The following MBOAT2 variants were observed in gnomAD, a reference collection of about 807,000 sequenced individuals.
MBOAT2 encodes the protein membrane bound glycerophospholipid O-acyltransferase 2.
A neutral mutation model predicts 63.4 loss-of-function variants in MBOAT2; 28 were observed. The ratio of observed to expected loss-of-function variants is 0.44; its 90% CI spans 0.33 to 0.61. MBOAT2 has a LOEUF of 0.61. Ranked by LOEUF, MBOAT2 falls within the 20% of genes least tolerant of loss-of-function variation. The probability of loss-of-function intolerance (pLI) is 0.03; values close to 1 mark genes in which losing one functional copy is unlikely to be tolerated. For missense variants in MBOAT2, 470 were observed against 605.8 expected, an observed-to-expected ratio of 0.78 and a Z score of 2.35; for synonymous variants, 211 against 215.6, an observed-to-expected ratio of 0.98 and a Z score of 0.19.
chr2:8,881,956 T>A (rs1663169199), intron 6 of MBOAT2, among the ~76,000 whole-genome samples: 1 of 152,256 alleles, frequency 6.6e-6, no homozygotes, highest in African/African-American at 2.4e-5. Context: ...AGATAGACAC[T>A]GTGAAATTAA....
At chr2:8,970,578 CCAG>C (rs1223829546) in intron 1 of MBOAT2, among the ~76,000 whole-genome samples, 1 of 152,124 alleles carries the variant, frequency 6.6e-6, no homozygotes, top group East Asian at 1.9e-4. Flanking sequence ...ATCAATGAAT[CCAG>C]CAGCTGGTTT....
intron 3 of MBOAT2, among the ~76,000 whole-genome samples, chr2:8,937,312 G>A (rs909236401): frequency 3.3e-5 from 5 of 152,176 alleles, no homozygotes; most frequent in Admixed American, 2.0e-4. Context: ...GCTGTGATGC[G>A]GAAGTCATGT....
intron 3 of MBOAT2, among the ~76,000 whole-genome samples, chr2:8,941,143 C>A (rs1668022699): frequency 6.6e-6 from 1 of 151,802 alleles, no homozygotes; most frequent in Non-Finnish European, 1.5e-5. Context: ...TGGGTATAAG[C>A]TGAATAGAAG....
chr2:8,944,103 T>C (rs2103240353), intron 2 of MBOAT2, among the ~76,000 whole-genome samples: 1 of 152,314 alleles, frequency 6.6e-6, no homozygotes, highest in East Asian at 1.9e-4. Context: ...GACCTCGTGA[T>C]CTGCCCACCT....
chr2:8,862,554 A>C lies in MBOAT2; in HGVS notation c.1185+36T>G. The C allele has an allele frequency of 6.3e-7, 1 of 1,591,836 alleles. No homozygotes were observed. Among genetic ancestry groups the C allele is most frequent in the African/African-American group, 1.4e-5 (1 of 74,064 alleles). ...TCAGCCTTTTTAACAGTTCAAGTGG[A>C]CCATTGAATTGTAAAATAAAATTCT... is the stretch of plus-strand genomic sequence containing the variant. On this transcript the variant is annotated intron_variant, in intron 11 of 12. Coordinates refer to ENST00000305997, the MANE Select transcript of MBOAT2 (RefSeq NM_138799.4). This position sits in a 1 kb window ranked among gnomAD's most constrained non-coding sequence, Gnocchi z 4.3.
intron 3 of MBOAT2, among the ~76,000 whole-genome samples, chr2:8,935,674 TG>T (rs1353141464): frequency 1.7e-4 from 26 of 152,380 alleles, no homozygotes; most frequent in African/African-American, 6.3e-4. Flanking sequence ...ATATGAAGCA[TG>T]CAGGTACCCT....
At chr2:8,944,631 A>T (rs1668280650) in intron 2 of MBOAT2, among the ~76,000 whole-genome samples, 1 of 149,288 alleles carries the variant, frequency 6.7e-6, no homozygotes, top group Admixed American at 6.6e-5. Context: ...AGAATAGGTC[A>T]GTCTATCTGT....
chr2:8,938,212 C>T (rs927707514), intron 3 of MBOAT2, among the ~76,000 whole-genome samples: 1 of 152,174 alleles, frequency 6.6e-6, no homozygotes, highest in African/African-American at 2.4e-5. Context: ...TCCCTTAGTA[C>T]ATGAAACACA....
intron 6 of MBOAT2, among the ~76,000 whole-genome samples, chr2:8,877,528 C>A (rs1378276374): frequency 6.6e-6 from 1 of 152,234 alleles, no homozygotes; most frequent in African/African-American, 2.4e-5. Context: ...GCTCTTCTAA[C>A]AAACACGTGC....
At chr2:8,908,870 C>T (rs552216874) in intron 3 of MBOAT2, among the ~76,000 whole-genome samples, 154 bp from the exon 4 acceptor site, 1 of 152,204 alleles carries the variant, frequency 6.6e-6, no homozygotes, top group South Asian at 2.1e-4. Flanking sequence ...ATTATGAAAA[C>T]TCTTTTCTAG....
chr2:8,952,509 T>C (rs566181392), intron 2 of MBOAT2, among the ~76,000 whole-genome samples: 2 of 152,330 alleles, frequency 1.3e-5, no homozygotes, highest in South Asian at 4.1e-4. Context: ...TCTAATGCTG[T>C]CAGTGGGAGT....
chr2:8,898,709 C>T (rs1290218482), intron 4 of MBOAT2, among the ~76,000 whole-genome samples: 1 of 152,232 alleles, frequency 6.6e-6, no homozygotes, highest in East Asian at 1.9e-4. Context: ...GGGGGCAAGA[C>T]CGTCCACGTA....
At chr2:8,988,177 A>G (rs1482608385) in intron 1 of MBOAT2, among the ~76,000 whole-genome samples, 1 of 152,116 alleles carries the variant, frequency 6.6e-6, no homozygotes, top group Non-Finnish European at 1.5e-5. Flanking sequence ...CCAAATCCCC[A>G]CTATTTTGCT....
intron 3 of MBOAT2, among the ~76,000 whole-genome samples, chr2:8,921,148 T>C (rs569122063): frequency 6.6e-6 from 1 of 152,348 alleles, no homozygotes; most frequent in East Asian, 1.9e-4. Context: ...TCAGGCCTTT[T>C]TTGTTCCTCC....
At position 8,908,704 on chromosome 2, in the gene MBOAT2, C is replaced by A. The variant is rs753583448; in HGVS notation, c.312G>T (p.Val104=). Residue 104 remains valine (V), a synonymous_variant, in exon 4 of 13, where the codon GTG becomes GTT. Coordinates refer to ENST00000305997, the MANE Select transcript of MBOAT2 (RefSeq NM_138799.4). ...ACACTGTGAGGTATCCCAGAGCAAACACAAAGCAGTAACTGCAAAACAAAA... is the reference window on the plus strand; with the variant it reads ...ACACTGTGAGGTATCCCAGAGCAAAAACAAAGCAGTAACTGCAAAACAAAA... ...GVENMHNYCF[V]FALGYLTVCQ... The A allele has an allele frequency of 1.9e-6, 3 of 1,607,178 alleles. No homozygotes were observed. In the African/African-American group the frequency reaches 4.0e-5, roughly 21 times the overall value.
chr2:8,909,983 G>C (rs1187288933), intron 3 of MBOAT2, among the ~76,000 whole-genome samples: 1 of 152,178 alleles, frequency 6.6e-6, no homozygotes, highest in Non-Finnish European at 1.5e-5. Flanking sequence ...TCTGTGGGCT[G>C]GCCTTCTAAC....
chr2:8,913,558 C>T (rs991527633), intron 3 of MBOAT2, among the ~76,000 whole-genome samples: 1 of 151,986 alleles, frequency 6.6e-6, no homozygotes, highest in African/African-American at 2.4e-5. Context: ...ATACAAATGG[C>T]CAACAAACAT....
In MBOAT2 at chr2:8,858,827, T is replaced by C; in HGVS notation, c.1415A>G (p.Lys472Arg). ...LLPVKKTQRR[K>R]NTHENIQLSQ... ...GAGCTGAATGTTTTCATGTGTATTC[T>C]TTCTTCTTTGAGTTTTTTTCACTGG... The change falls in exon 13 of 13, where the codon AAG becomes AGG. Residue 472 changes from lysine (K) to arginine (R), a missense_variant. Coordinates refer to ENST00000305997, the MANE Select transcript of MBOAT2 (RefSeq NM_138799.4). 6.2e-7 allele frequency: 1 copy of C among 1,614,048 alleles called. No individual in the cohort carries two copies. Among genetic ancestry groups the C allele is most frequent in the Non-Finnish European group, 8.5e-7 (1 of 1,180,006 alleles).
At chr2:8,992,202 T>C (rs1446683723) in intron 1 of MBOAT2, among the ~76,000 whole-genome samples, 2 of 152,248 alleles carry the variant, frequency 1.3e-5, no homozygotes, top group East Asian at 3.8e-4. Flanking sequence ...TATTGTTAAA[T>C]TAGATGCATC....
Sources: gnomAD v4.1 joint callset for allele counts (sites outside exome capture counted in the v4.1 genomes callset) on GRCh38, gnomAD v4.1.1 for gene constraint, Gnocchi (gnomAD v3.1) non-coding constraint, MANE v1.5 for transcripts, NCBI Gene and HGNC (gene_info 2026-07-23, HGNC 2026-07-21) for gene names.